Variants in CACNA1D observed in about 807,000 individuals in gnomAD.
CACNA1D encodes calcium voltage-gated channel subunit alpha1 D.
CACNA1D carries 55 observed loss-of-function variants against 257.1 expected under a neutral mutation model. The ratio of observed to expected loss-of-function variants is 0.21; its 90% confidence interval spans 0.17 to 0.27. The LOEUF (loss-of-function observed/expected upper bound fraction) is 0.27. CACNA1D is among the 10% of genes least tolerant of loss of function. CACNA1D has a pLI of 1.00. For missense variants in CACNA1D, 1,876 were observed against 2,784.0 expected, an observed-to-expected ratio of 0.67 and a Z score of 7.34; for synonymous variants, 980 against 1,014.9, an observed-to-expected ratio of 0.97 and a Z score of 0.65.
chr3:53,698,668 T>G (rs935928325), intron 8 of CACNA1D, among the ~76,000 whole-genome samples: 22 of 152,286 alleles, frequency 1.4e-4, no homozygotes, highest in African/African-American at 4.6e-4. Flanking sequence ...TACTTAAGAG[T>G]GTCACTCCAA....
At chr3:53,764,014 G>A (rs77811323) in intron 30 of CACNA1D, among the ~76,000 whole-genome samples, 10,517 of 151,732 alleles carry the variant, frequency 0.069, 402 homozygotes, top group Middle Eastern at 0.14. Context: ...AAAACAGACT[G>A]TCAGACGTGA....
chr3:53,623,014 C>T lies in CACNA1D; in HGVS notation c.484-27765C>T, dbSNP rs376576021. On this transcript the variant is annotated intron_variant, in intron 3 of 47. Transcript: ENST00000350061. ...TCAAGCCATTCTCCTGCCTCAGCCT[C>T]CTGCATAGCTGGCACTACAGGCGCT... is the stretch of plus-strand genomic sequence containing the variant. Among the ~76,000 whole-genome samples the T allele has an allele frequency of 2.4e-3, 367 of 152,188 alleles. 5 individuals carry two copies. Among genetic ancestry groups the T allele is most frequent in the African/African-American group, 8.3e-3 (343 of 41,506 alleles).
intron 8 of CACNA1D, among the ~76,000 whole-genome samples, chr3:53,700,768 A>G (rs1242794267): frequency 6.6e-6 from 1 of 151,872 alleles, no homozygotes; most frequent in African/African-American, 2.4e-5. Flanking sequence ...GACAGCCCTA[A>G]CAGGACCAAG....
intron 33 of CACNA1D, chr3:53,773,961 C>G: frequency 6.5e-6 from 1 of 152,836 alleles, no homozygotes; most frequent in Non-Finnish European, 1.5e-5. Flanking sequence ...ACAAGTAAAA[C>G]TCTTTAGTAC....
chr3:53,548,287 T>C (rs2092454844), intron 3 of CACNA1D, among the ~76,000 whole-genome samples: 2 of 151,338 alleles, frequency 1.3e-5, no homozygotes, highest in Admixed American at 1.3e-4. Flanking sequence ...GCAGATTGTA[T>C]CCTTCTGGAG....
At chr3:53,583,289 T>A (rs2093161744) in intron 3 of CACNA1D, among the ~76,000 whole-genome samples, 1 of 151,698 alleles carries the variant, frequency 6.6e-6, no homozygotes, top group Non-Finnish European at 1.5e-5. Context: ...GGAGGAGACA[T>A]TTCCAATGTC....
chr3:53,676,987 G>A (rs994071666), intron 8 of CACNA1D, among the ~76,000 whole-genome samples: 1 of 152,210 alleles, frequency 6.6e-6, no homozygotes, highest in African/African-American at 2.4e-5. Context: ...CCAGGAATTG[G>A]AAAGAATGTC....
At chr3:53,728,246 C>G (rs963899890) in intron 15 of CACNA1D, among the ~76,000 whole-genome samples, 2 of 152,218 alleles carry the variant, frequency 1.3e-5, no homozygotes, top group Non-Finnish European at 2.9e-5. Flanking sequence ...TCAAGTGATT[C>G]TCCTGCCTCA....
chr3:53,518,713 T>G (rs2091441160), intron 3 of CACNA1D, among the ~76,000 whole-genome samples: 1 of 152,208 alleles, frequency 6.6e-6, no homozygotes, highest in Non-Finnish European at 1.5e-5. Context: ...AAGAAACTCT[T>G]GAGTATTTGT....
intron 4 of CACNA1D, among the ~76,000 whole-genome samples, chr3:53,654,451 ATGTACT>A (rs1361856303): frequency 6.6e-6 from 1 of 152,218 alleles, no homozygotes; most frequent in East Asian, 1.9e-4. Flanking sequence ...TGGTCTTGTG[ATGTACT>A]TATACAGTAG....
chr3:53,747,797 TC>T (rs1367157123), intron 26 of CACNA1D, among the ~76,000 whole-genome samples: 1 of 150,248 alleles, frequency 6.7e-6, no homozygotes, highest in Non-Finnish European at 1.5e-5. Flanking sequence ...ATTCATTCAT[TC>T]ATTCATTCAT....
intron 3 of CACNA1D, among the ~76,000 whole-genome samples, chr3:53,517,492 T>G (rs575177478): frequency 5.3e-5 from 8 of 151,590 alleles, no homozygotes; most frequent in African/African-American, 1.7e-4. Context: ...TCTTTCTTTT[T>G]TTTTTTTTTT....
Position 53,505,882 on chromosome 3 carries a change from GT to G in CACNA1D, c.483+4163del, listed in dbSNP as rs139914179. Among the ~76,000 whole-genome samples, 403 of 152,332 alleles carry G rather than the reference GT, an allele frequency of 2.6e-3. 3 individuals carry two copies. Among genetic ancestry groups the G allele is most frequent in the Non-Finnish European group, 4.4e-3 (297 of 68,038 alleles). ...TGCCTGTGGCACCAGATGCCTTACAGTGGCCAGGAATGCTGCGGGACAGTCT... is the reference window on the plus strand; with the variant it reads ...TGCCTGTGGCACCAGATGCCTTACAGGGCCAGGAATGCTGCGGGACAGTCT... On this transcript the variant is annotated intron_variant, in intron 3 of 47. Coordinates refer to ENST00000350061, the MANE Select transcript of CACNA1D (RefSeq NM_001128840.3).
intron 3 of CACNA1D, among the ~76,000 whole-genome samples, chr3:53,597,057 T>C (rs1026993832): frequency 6.6e-6 from 1 of 152,224 alleles, no homozygotes; most frequent in African/African-American, 2.4e-5. Flanking sequence ...GAAAGAAATA[T>C]ACAATTATTT....
At chr3:53,690,022 A>C (rs1178201007) in intron 8 of CACNA1D, among the ~76,000 whole-genome samples, 2 of 152,042 alleles carry the variant, frequency 1.3e-5, no homozygotes, top group African/African-American at 4.8e-5. Flanking sequence ...CATCTCCACT[A>C]CTTTGATGAG....
rs144926112 is a variant in CACNA1D, at chr3:53,535,843, A to G, written c.483+34123A>G. Among the ~76,000 whole-genome samples the G allele has an allele frequency of 1.8e-4, 27 of 152,322 alleles. No homozygotes were observed. In the East Asian group the frequency reaches 4.2e-3, roughly 24 times the overall value. On this transcript the variant is annotated intron_variant, in intron 3 of 47. Transcript: ENST00000350061. ...TCAAATTTTTTAGGCTATCAAATGC[A>G]AAGATTAAGTTTCTAGAGTCTTGAA...
At chr3:53,516,106 T>C (rs1389543969) in intron 3 of CACNA1D, among the ~76,000 whole-genome samples, 1 of 152,214 alleles carries the variant, frequency 6.6e-6, no homozygotes, top group Non-Finnish European at 1.5e-5. Flanking sequence ...TCACTTTTCA[T>C]GTGGGATCTT....
intron 30 of CACNA1D, among the ~76,000 whole-genome samples, chr3:53,767,450 C>T (rs2095339753): frequency 6.6e-6 from 1 of 151,654 alleles, no homozygotes; most frequent in Admixed American, 6.6e-5. Context: ...CCTGTTATCC[C>T]AGCTACTCAG....
At position 53,747,343 on chromosome 3, in the gene CACNA1D, C is replaced by T. The variant is rs545796830; in HGVS notation, c.3209C>T (p.Pro1070Leu). ...TACAAGGATGGGGATGTTGACAGTC[C>T]TGTGGTCCGTGAACGGATCTGGCAA... is the stretch of plus-strand genomic sequence containing the variant. ...ILYKDGDVDS[P>L]VVRERIWQNS... is the part of the protein sequence containing the mutation. The change falls in exon 26 of 48, where the codon CCT (proline) becomes CTT (leucine). Residue 1070 changes from proline to leucine, a missense_variant. Around this residue, in one of 10 missense-constraint regions of CACNA1D, gnomAD observed 271 missense variants for 425.5 expected, o/e 0.64. Coordinates refer to ENST00000350061, the MANE Select transcript of CACNA1D (RefSeq NM_001128840.3). 2 of 1,613,976 alleles carry T rather than the reference C, an allele frequency of 1.2e-6. No individual in the cohort carries two copies. Among genetic ancestry groups the T allele is most frequent in the East Asian group, 2.2e-5 (1 of 44,878 alleles).
Sources: allele counts gnomAD v4.1 joint callset (sites outside exome capture counted in the v4.1 genomes callset), GRCh38; gene constraint gnomAD v4.1.1; regional missense constraint gnomAD v4.1.1; transcripts MANE v1.5; gene names NCBI Gene and HGNC (gene_info 2026-07-23, HGNC 2026-07-21).